The following SH2D4B variants were observed in gnomAD, a reference collection of about 807,000 sequenced individuals.
SH2D4B encodes the protein SH2 domain containing 4B.
Under a neutral mutation model 61.5 loss-of-function variants are expected in SH2D4B, and 45 were observed. The ratio of observed to expected loss-of-function variants is 0.73; its 90% CI spans 0.58 to 0.94. SH2D4B has a LOEUF of 0.94. Ranked by LOEUF, SH2D4B falls within the 40% of genes least tolerant of loss-of-function variation. The pLI is 0.00. For missense variants in SH2D4B, 572 were observed against 574.2 expected (o/e 1.00, Z 0.04); for synonymous variants, 224 against 220.4 (o/e 1.02, Z -0.14).
At chr10:80,614,244 A>T (rs1284119310) in intron 6 of SH2D4B, among the ~76,000 whole-genome samples, 5 of 152,234 alleles carry the variant, frequency 3.3e-5, no homozygotes, top group Non-Finnish European at 7.3e-5. Flanking sequence ...TAGCACCAGC[A>T]TCTGCTTGGC....
At chr10:80,602,049 G>A (rs1014423608) in intron 4 of SH2D4B, among the ~76,000 whole-genome samples, 1 of 152,210 alleles carries the variant, frequency 6.6e-6, no homozygotes, top group African/African-American at 2.4e-5. Flanking sequence ...TGCCTCTAAT[G>A]GGTTTTGTTC....
chr10:80,631,901 T>A (rs1842837820), intron 6 of SH2D4B, among the ~76,000 whole-genome samples: 2 of 152,170 alleles, frequency 1.3e-5, no homozygotes, highest in South Asian at 4.1e-4. Flanking sequence ...GTAACTACAA[T>A]TAATGATATA....
At chr10:80,623,457 A>C (rs1842738819) in intron 6 of SH2D4B, among the ~76,000 whole-genome samples, 1 of 152,212 alleles carries the variant, frequency 6.6e-6, no homozygotes. Context: ...TATCTCCTAA[A>C]GACCCCTTCT....
At chr10:80,618,832 A>T (rs1364053999) in intron 6 of SH2D4B, among the ~76,000 whole-genome samples, 1 of 152,006 alleles carries the variant, frequency 6.6e-6, no homozygotes, top group Non-Finnish European at 1.5e-5. Flanking sequence ...TCATTTGGTT[A>T]CTCAGGTTCA....
intron 4 of SH2D4B, among the ~76,000 whole-genome samples, chr10:80,592,336 T>C (rs1842338735): frequency 2.6e-5 from 4 of 152,358 alleles, no homozygotes; most frequent in Admixed American, 2.6e-4. Context: ...AGTTGTCTTT[T>C]CACTTTCTTG....
intron 5 of SH2D4B, among the ~76,000 whole-genome samples, chr10:80,605,814 C>T (rs916419060): frequency 1.2e-4 from 19 of 152,200 alleles, no homozygotes; most frequent in South Asian, 2.1e-4. Context: ...CCACCACACC[C>T]GACCTCTTTT....
intron 3 of SH2D4B, among the ~76,000 whole-genome samples, chr10:80,575,515 CT>C (rs1239464752): frequency 2.0e-5 from 3 of 152,148 alleles, no homozygotes. Flanking sequence ...AATCCCAGCA[CT>C]TTGGGCAGCT....
intron 4 of SH2D4B, among the ~76,000 whole-genome samples, chr10:80,601,485 A>G (rs1360346316): frequency 6.6e-6 from 1 of 152,236 alleles, no homozygotes; most frequent in Non-Finnish European, 1.5e-5. Context: ...AGCACTAAAT[A>G]CTTAAATTGA....
intron 6 of SH2D4B, among the ~76,000 whole-genome samples, chr10:80,612,262 A>C (rs571657606): frequency 1.4e-5 from 2 of 142,754 alleles, no homozygotes; most frequent in African/African-American, 5.4e-5. Context: ...CTTCTCTTTC[A>C]ATATAGGAAT....
chr10:80,597,005 A>AAAATAC (rs1304253126), intron 4 of SH2D4B, among the ~76,000 whole-genome samples: 1 of 152,254 alleles, frequency 6.6e-6, no homozygotes, highest in Non-Finnish European at 1.5e-5. Context: ...AATAAAAATA[A>AAAATAC]AAATACAGTA....
chr10:80,629,362 C>T (rs1196138370), intron 6 of SH2D4B, among the ~76,000 whole-genome samples: 1 of 152,218 alleles, frequency 6.6e-6, no homozygotes, highest in Non-Finnish European at 1.5e-5. Flanking sequence ...TGAGAAATCA[C>T]CTCCCACTAG....
intron 6 of SH2D4B, among the ~76,000 whole-genome samples, chr10:80,632,144 A>G (rs1167431468): frequency 3.3e-5 from 5 of 151,760 alleles, no homozygotes; most frequent in African/African-American, 1.2e-4. Flanking sequence ...TGTGGAGACA[A>G]CAACATGGGC....
At chr10:80,541,826 G>C (rs1042921483) in intron 1 of SH2D4B, among the ~76,000 whole-genome samples, 1 of 152,134 alleles carries the variant, frequency 6.6e-6, no homozygotes, top group Admixed American at 6.5e-5. Flanking sequence ...TCCACATTTG[G>C]AACCCACAGA....
chr10:80,642,638 TG>T (rs1410394060), intron 7 of SH2D4B, among the ~76,000 whole-genome samples: 1 of 152,256 alleles, frequency 6.6e-6, no homozygotes, highest in African/African-American at 2.4e-5. Context: ...TTCCATGGTA[TG>T]GATGCATATT....
intron 1 of SH2D4B, among the ~76,000 whole-genome samples, chr10:80,548,675 G>A (rs1454470044): frequency 6.6e-6 from 1 of 152,304 alleles, no homozygotes; most frequent in East Asian, 1.9e-4. Context: ...CACCATGCAG[G>A]TACCTAAGAG....
rs1226665469 is a variant in SH2D4B, at chr10:80,603,776, C to T, written c.841C>T (p.Pro281Ser). ...HHLPDPGLPQ[P>S]LALPVSRTWE... Reference sequence around the variant, plus strand: ...CCTCCCCGACCCGGGTCTGCCGCAGCCCCTTGCCCTGCCGGTCAGGTGGGT... The same window carrying T: ...CCTCCCCGACCCGGGTCTGCCGCAGTCCCTTGCCCTGCCGGTCAGGTGGGT... Residue 281 changes from proline to serine, a missense_variant, in exon 5 of 8, where the codon CCC (proline) becomes TCC (serine). Transcript: ENST00000646907. 6.2e-7 allele frequency: 1 copy of T among 1,610,356 alleles called. No individual in the cohort carries two copies. The highest frequency in any genetic ancestry group is 8.5e-7 in the Non-Finnish European group (1 of 1,179,360).
chr10:80,608,879 C>G (rs773266223), intron 5 of SH2D4B, among the ~76,000 whole-genome samples: 1 of 152,258 alleles, frequency 6.6e-6, no homozygotes, highest in South Asian at 2.1e-4. Flanking sequence ...CTTACAAAAG[C>G]GCAGGAGTTG....
intron 1 of SH2D4B, among the ~76,000 whole-genome samples, chr10:80,561,500 A>G (rs887245775): frequency 5.9e-5 from 9 of 152,236 alleles, no homozygotes; most frequent in African/African-American, 2.2e-4. Flanking sequence ...CATGGGTAAA[A>G]GATTCATTCA....
At chr10:80,545,677 A>G (rs1236768815) in intron 1 of SH2D4B, among the ~76,000 whole-genome samples, 3 of 152,188 alleles carry the variant, frequency 2.0e-5, no homozygotes, top group Admixed American at 6.5e-5. Flanking sequence ...AGCATCGAGA[A>G]CAAGGTCTGG....
Sources: allele counts gnomAD v4.1 joint callset (sites outside exome capture counted in the v4.1 genomes callset), GRCh38; gene constraint gnomAD v4.1.1; transcripts MANE v1.5; gene names NCBI Gene and HGNC (gene_info 2026-07-23, HGNC 2026-07-21).